KIAA1217: variants seen among roughly 807,000 people sequenced by gnomAD.
KIAA1217 encodes the protein KIAA1217, also known as sickle tail protein homolog.
A neutral mutation model predicts 163.9 loss-of-function variants in KIAA1217; 88 were observed. That is an observed-to-expected ratio of 0.54 (90% CI 0.45 to 0.64). KIAA1217 has a LOEUF of 0.64. KIAA1217 is among the 30% of genes least tolerant of loss of function. The pLI is 0.00. For missense variants in KIAA1217, 2,372 were observed against 2,475.0 expected (o/e 0.96, Z 0.88); for synonymous variants, 903 against 923.1 (o/e 0.98, Z 0.39).
intron 1 of KIAA1217, among the ~76,000 whole-genome samples, chr10:23,875,371 C>A (rs566304591): frequency 7.2e-5 from 11 of 152,034 alleles, no homozygotes; most frequent in African/African-American, 2.7e-4. Context: ...TTTATAGGTG[C>A]AGAATATAAC....
intron 5 of KIAA1217, among the ~76,000 whole-genome samples, chr10:24,470,080 G>A (rs2063340220): frequency 6.6e-6 from 1 of 152,088 alleles, no homozygotes; most frequent in African/African-American, 2.4e-5. Flanking sequence ...GTTGGTTATT[G>A]CATTGTGTAA....
rs967925703 is a variant in KIAA1217, at chr10:23,989,402, G to A, written c.-320-17823G>A. 2.0e-5 allele frequency among the ~76,000 whole-genome samples: 3 copies of A among 152,180 alleles called. 1 individual carries two copies. The South Asian group carries it at 6.2e-4, about 32-fold the overall frequency. On this transcript the variant is annotated intron_variant, in intron 1 of 18. Coordinates refer to the KIAA1217 transcript ENST00000376462. ...TTATGTTAGCTTTGATAAAGAAGTG[G>A]ATAGTCATGGAGAAGTATGAGGGAC...
chr10:24,014,013 T>C (rs1470397201), intron 2 of KIAA1217, among the ~76,000 whole-genome samples: 1 of 152,156 alleles, frequency 6.6e-6, no homozygotes, highest in Non-Finnish European at 1.5e-5. Flanking sequence ...AATTAATGTG[T>C]GTACAATGTC....
intron 1 of KIAA1217, among the ~76,000 whole-genome samples, chr10:23,808,573 A>G (rs2130976214): frequency 6.6e-6 from 1 of 152,262 alleles, no homozygotes; most frequent in African/African-American, 2.4e-5. Flanking sequence ...GGGTTGAGCA[A>G]TAGATCAAAC....
chr10:23,939,760 A>G (rs1843678473), intron 1 of KIAA1217, among the ~76,000 whole-genome samples: 1 of 151,636 alleles, frequency 6.6e-6, no homozygotes, highest in Non-Finnish European at 1.5e-5. Context: ...CTTCAACTAA[A>G]TTGACCTAAG....
chr10:24,304,205 CT>C (rs35675149), intron 2 of KIAA1217, among the ~76,000 whole-genome samples: 18,431 of 125,298 alleles, frequency 0.15, 1,970 homozygotes, highest in African/African-American at 0.37. Flanking sequence ...ATTAGGTTAC[CT>C]TTTTTTTTTT....
chr10:23,831,494 T>C (rs2131040659), intron 1 of KIAA1217, among the ~76,000 whole-genome samples: 1 of 152,286 alleles, frequency 6.6e-6, no homozygotes, highest in East Asian at 1.9e-4. Flanking sequence ...AATGAAGACA[T>C]ACACATGGGA....
At chr10:24,055,956 T>TA (rs2060515307) in intron 2 of KIAA1217, among the ~76,000 whole-genome samples, 1 of 147,286 alleles carries the variant, frequency 6.8e-6, no homozygotes, top group East Asian at 1.9e-4. Context: ...AACACTAAAT[T>TA]TAAAAAAAAA....
intron 5 of KIAA1217, among the ~76,000 whole-genome samples, chr10:24,450,325 G>T (rs2061290240): frequency 6.6e-6 from 1 of 152,138 alleles, no homozygotes; most frequent in Non-Finnish European, 1.5e-5. Context: ...AGAAATAGCA[G>T]TTTAATCTGT....
At chr10:23,719,953 A>G (rs557894802) in intron 1 of KIAA1217, among the ~76,000 whole-genome samples, 1 of 152,266 alleles carries the variant, frequency 6.6e-6, no homozygotes, top group East Asian at 1.9e-4. Flanking sequence ...TTACATTTAT[A>G]TGAAATGTTC....
At chr10:24,422,507 C>G (rs1239188887) in intron 3 of KIAA1217, among the ~76,000 whole-genome samples, 2 of 152,170 alleles carry the variant, frequency 1.3e-5, no homozygotes, top group Non-Finnish European at 2.9e-5. Flanking sequence ...GATGTTGCTA[C>G]AAGTTCTGTT....
chr10:23,725,082 G>A (rs1436142821), intron 1 of KIAA1217, among the ~76,000 whole-genome samples: 1 of 152,126 alleles, frequency 6.6e-6, no homozygotes, highest in Non-Finnish European at 1.5e-5. Flanking sequence ...CCTATGTCAT[G>A]GGTTCTCTTT....
intron 1 of KIAA1217, among the ~76,000 whole-genome samples, chr10:23,910,067 C>T (rs1266125322): frequency 6.6e-6 from 1 of 151,696 alleles, no homozygotes; most frequent in Non-Finnish European, 1.5e-5. Context: ...CCAAACACCG[C>T]GTGTTCTCAC....
chr10:23,742,478 G>A lies in KIAA1217; in HGVS notation c.-321+47244G>A, dbSNP rs573013774. On this transcript the variant is annotated intron_variant, in intron 1 of 18. Transcript: ENST00000376462. ...GTAGAAAAGTATGGTGCTTGCATCCGCTCAGCTTCTGGGGAGGGCTTGGGG... is the reference window on the plus strand; with the variant it reads ...GTAGAAAAGTATGGTGCTTGCATCCACTCAGCTTCTGGGGAGGGCTTGGGG... Among the ~76,000 whole-genome samples, 8 of 152,246 alleles carry A rather than the reference G, an allele frequency of 5.3e-5. No homozygotes were observed. The East Asian group carries it at 5.8e-4, about 11-fold the overall frequency.
intron 3 of KIAA1217, among the ~76,000 whole-genome samples, chr10:24,410,073 T>C (rs2057621859): frequency 6.7e-6 from 1 of 149,826 alleles, no homozygotes; most frequent in Non-Finnish European, 1.5e-5. Flanking sequence ...CTTGACTCAC[T>C]GTAACCTCCG....
chr10:23,725,135 T>A (rs1838066068), intron 1 of KIAA1217, among the ~76,000 whole-genome samples: 1 of 152,222 alleles, frequency 6.6e-6, no homozygotes, highest in East Asian at 1.9e-4. Context: ...TTTTTAGCAG[T>A]TTTCTTCCCT....
intron 1 of KIAA1217, among the ~76,000 whole-genome samples, chr10:23,824,395 C>T (rs1188978910): frequency 3.3e-5 from 5 of 151,132 alleles, no homozygotes; most frequent in African/African-American, 7.3e-5. Context: ...TTTGGGAGGT[C>T]GAGGTGGGCA....
intron 1 of KIAA1217, among the ~76,000 whole-genome samples, chr10:23,888,813 TC>T (rs1841297615): frequency 6.6e-6 from 1 of 151,864 alleles, no homozygotes; most frequent in African/African-American, 2.4e-5. Context: ...ATTTCCTTCA[TC>T]CAGAAAGTCC....
chr10:24,241,142 C>T (rs1298269901), intron 2 of KIAA1217, among the ~76,000 whole-genome samples: 4 of 152,138 alleles, frequency 2.6e-5, no homozygotes, highest in East Asian at 1.9e-4. Context: ...CCACTGCACC[C>T]GGCCTTGGCT....
Sources: gnomAD v4.1 joint callset for allele counts (sites outside exome capture counted in the v4.1 genomes callset) on GRCh38, gnomAD v4.1.1 for gene constraint, MANE v1.5 for transcripts, NCBI Gene and HGNC (gene_info 2026-07-23, HGNC 2026-07-21) for gene names.